The following MTDH variants were observed in gnomAD, a reference collection of about 807,000 sequenced individuals.
MTDH encodes metadherin.
In MTDH, 34 loss-of-function variants were observed where a neutral mutation model predicts 72.7. The ratio of observed to expected loss-of-function variants is 0.47; its 90% CI spans 0.36 to 0.62. The LOEUF (loss-of-function observed/expected upper bound fraction) is 0.62, where lower values mean the gene tolerates loss of function less well. MTDH is among the 20% of genes least tolerant of loss of function. The pLI, the probability that MTDH is intolerant of heterozygous loss-of-function variation, is 0.00. For synonymous variants in MTDH, 266 were observed against 268.9 expected, an observed-to-expected ratio of 0.99 and a Z score of 0.10; for missense variants, 677 against 699.4, an observed-to-expected ratio of 0.97 and a Z score of 0.36.
intron 1 of MTDH, among the ~76,000 whole-genome samples, chr8:97,645,356 A>C (rs1449724161): frequency 1.3e-5 from 2 of 152,152 alleles, no homozygotes; most frequent in Admixed American, 1.3e-4. Flanking sequence ...GTGACCTAGA[A>C]ATTCTGGGGC....
At position 97,699,832 on chromosome 8, in the gene MTDH, A is replaced by G; in HGVS notation, c.1127A>G (p.Asp376Gly). 1.2e-6 allele frequency: 2 copies of G among 1,611,634 alleles called. No homozygotes were observed. Among genetic ancestry groups the G allele is most frequent in the African/African-American group, 1.3e-5 (1 of 75,012 alleles). Residue 376 changes from aspartate (D) to glycine (G), a missense_variant, in exon 7 of 12, where the codon GAT becomes GGT. By Grantham distance (94) the Asp-to-Gly change is moderately conservative. Around this residue, in one of 3 missense-constraint regions of MTDH, gnomAD observed 467 missense variants for 469.1 expected, o/e 1.00. Coordinates refer to ENST00000336273, the MANE Select transcript of MTDH (RefSeq NM_178812.4). ...GTTAGCCGTAATCAACCCTATATCGATGATGAATGGTCTGGGTTAAGTATG... is the reference window on the plus strand; with the variant it reads ...GTTAGCCGTAATCAACCCTATATCGGTGATGAATGGTCTGGGTTAAGTATG... Reference protein sequence around the residue: ...WDVSRNQPYIDDEWSGLNGLS... With the variant: ...WDVSRNQPYIGDEWSGLNGLS...
chr8:97,679,344 T>C (rs1586234765), intron 2 of MTDH, among the ~76,000 whole-genome samples: 1 of 152,226 alleles, frequency 6.6e-6, no homozygotes, highest in South Asian at 2.1e-4. Flanking sequence ...ATGATGATAA[T>C]AGTAATAATA....
chr8:97,703,084 G>C (rs531679091), intron 7 of MTDH, among the ~76,000 whole-genome samples: 2 of 152,304 alleles, frequency 1.3e-5, no homozygotes, highest in East Asian at 3.9e-4. Context: ...TAGTTACCCA[G>C]GCCGGTGCCA....
At chr8:97,689,186 C>T in intron 5 of MTDH, 83 bp downstream of exon 5, 1 of 686,462 alleles carries the variant, frequency 1.5e-6, no homozygotes, top group Non-Finnish European at 2.5e-6. Flanking sequence ...AAATGAATGA[C>T]ACAGAAGGAA....
At chr8:97,670,714 C>T (rs967881221) in intron 2 of MTDH, among the ~76,000 whole-genome samples, 2 of 152,162 alleles carry the variant, frequency 1.3e-5, no homozygotes, top group African/African-American at 2.4e-5. Flanking sequence ...ACAGGCTGTA[C>T]AGGAAGCATA....
At chr8:97,711,856 A>AAT (rs1443573468) in intron 8 of MTDH, among the ~76,000 whole-genome samples, 5 of 152,230 alleles carry the variant, frequency 3.3e-5, no homozygotes, top group South Asian at 2.1e-4. Context: ...AAAGTACTTT[A>AAT]ATATCAGACT....
intron 1 of MTDH, among the ~76,000 whole-genome samples, chr8:97,649,993 T>G (rs1010004890): frequency 1.1e-4 from 17 of 152,166 alleles, no homozygotes; most frequent in African/African-American, 3.6e-4. Context: ...TGTCACTCTG[T>G]CGCCCAGGCT....
chr8:97,662,046 CT>C (rs1812191790), intron 2 of MTDH, among the ~76,000 whole-genome samples: 1 of 152,024 alleles, frequency 6.6e-6, no homozygotes, highest in African/African-American at 2.4e-5. Context: ...TTTCCAGTTG[CT>C]TGGCATTAGA....
At chr8:97,706,032 G>A (rs1309697651) in intron 7 of MTDH, among the ~76,000 whole-genome samples, 1 of 152,166 alleles carries the variant, frequency 6.6e-6, no homozygotes, top group Non-Finnish European at 1.5e-5. Flanking sequence ...TTTTTGAAAT[G>A]ATTGGATAAA....
Position 97,720,797 on chromosome 8 carries a change from G to A in MTDH, c.1521+1608G>A, listed in dbSNP as rs184378531. 7.1e-3 allele frequency among the ~76,000 whole-genome samples: 1,070 copies of A among 151,584 alleles called. 7 individuals are homozygous for A. The highest frequency in any genetic ancestry group is 0.027 in the Middle Eastern group (8 of 294). On this transcript the variant is annotated intron_variant, in intron 10 of 11. Coordinates refer to ENST00000336273, the MANE Select transcript of MTDH (RefSeq NM_178812.4). The stretch of plus-strand genomic sequence containing the variant: ...GCCTCCCAAGTAGCTGGGATTACAG[G>A]TGCACGCCACCACCCCTGGCTAATT...
At chr8:97,677,720 T>C (rs1812914057) in intron 2 of MTDH, among the ~76,000 whole-genome samples, 1 of 152,190 alleles carries the variant, frequency 6.6e-6, no homozygotes, top group Admixed American at 6.6e-5. Flanking sequence ...GCCTTGAAAT[T>C]TTAGCTAATG....
chr8:97,669,098 T>C (rs755514853), intron 2 of MTDH, among the ~76,000 whole-genome samples: 2 of 152,218 alleles, frequency 1.3e-5, no homozygotes, highest in Non-Finnish European at 2.9e-5. Context: ...TAAATTTACT[T>C]GTTTTAAATG....
intron 1 of MTDH, among the ~76,000 whole-genome samples, chr8:97,651,597 G>C (rs2130913373): frequency 1.3e-5 from 2 of 152,288 alleles, no homozygotes; most frequent in African/African-American, 4.8e-5. Context: ...AAATGACCGT[G>C]AAAGTACCTC....
intron 1 of MTDH, among the ~76,000 whole-genome samples, chr8:97,652,278 A>C (rs1811802743): frequency 6.6e-6 from 1 of 152,078 alleles, no homozygotes; most frequent in African/African-American, 2.4e-5. Flanking sequence ...GTTTCCTGTC[A>C]TTTGCTGTTC....
rs1260683842 is a variant in MTDH at position 97,728,695 on chromosome 8, G to A, written c.*4025G>A. ...CAAGCTCTTTGGGAGGCCAACGCGG[G>A]AGGATTGTTTGAGCCCAGGAGTTTG... On this transcript the variant is annotated 3_prime_UTR_variant, in exon 12 of 12. Transcript: ENST00000336273. The A allele has an allele frequency of 6.7e-6, 1 of 149,792 alleles. No homozygotes were observed. Among genetic ancestry groups the A allele is most frequent in the African/African-American group, 2.5e-5 (1 of 40,540 alleles). 9.3% of individuals were successfully genotyped at this position (149,792 alleles called of 1,614,324 possible).
chr8:97,650,645 A>G (rs1024924290), intron 1 of MTDH, among the ~76,000 whole-genome samples: 1 of 152,168 alleles, frequency 6.6e-6, no homozygotes, highest in African/African-American at 2.4e-5. Flanking sequence ...AGCCTTCCCT[A>G]GCTCCTCAGC....
At chr8:97,683,834 C>T (rs987367413) in intron 2 of MTDH, among the ~76,000 whole-genome samples, 26 of 152,074 alleles carry the variant, frequency 1.7e-4, no homozygotes, top group Non-Finnish European at 2.8e-4. Flanking sequence ...CTAGTCCGGC[C>T]GGGCGCTGTG....
At chr8:97,685,612 T>C (rs1443061478) in intron 2 of MTDH, among the ~76,000 whole-genome samples, 1 of 151,850 alleles carries the variant, frequency 6.6e-6, no homozygotes, top group African/African-American at 2.4e-5. Flanking sequence ...ATACAAAAAT[T>C]AGCCAGGCAT....
intron 2 of MTDH, among the ~76,000 whole-genome samples, chr8:97,682,243 TATATATATATATA>T (rs1813122950): frequency 2.4e-4 from 1 of 4,236 alleles, no homozygotes; most frequent in Non-Finnish European, 6.0e-4. Context: ...TATATATATA[TATATATATATATA>T]TATATATATA....
Sources: allele counts gnomAD v4.1 joint callset (sites outside exome capture counted in the v4.1 genomes callset), GRCh38; gene constraint gnomAD v4.1.1; regional missense constraint gnomAD v4.1.1; transcripts MANE v1.5; gene names NCBI Gene and HGNC (gene_info 2026-07-23, HGNC 2026-07-21).